AMN1: variants seen among roughly 807,000 people sequenced by gnomAD.
The protein encoded by AMN1 is antagonist of mitotic exit network 1 homolog.
A neutral mutation model predicts 33.0 loss-of-function variants in AMN1; 20 were observed. The observed-to-expected ratio is 0.61, with a 90% CI of 0.43 to 0.88. The LOEUF is 0.88. Among genes scored for constraint, AMN1 ranks in the 40% least tolerant of loss-of-function variants. AMN1 has a pLI of 0.00. For synonymous variants in AMN1, 114 were observed against 111.9 expected, an observed-to-expected ratio of 1.02 and a Z score of -0.12; for missense variants, 246 against 307.4, an observed-to-expected ratio of 0.80 and a Z score of 1.49.
chr12:31,689,219 TCTACTTGC>T, intron 5 of AMN1, 101 bp from the exon 6 acceptor site: 1 of 787,070 alleles, frequency 1.3e-6, no homozygotes, highest in Admixed American at 2.9e-5. Flanking sequence ...GAACCAGATA[TCTACTTGC>T]AAAAAAAAAG....
chr12:31,690,510 T>G (rs1938456415), intron 5 of AMN1, among the ~76,000 whole-genome samples: 1 of 152,212 alleles, frequency 6.6e-6, no homozygotes, highest in Non-Finnish European at 1.5e-5. Flanking sequence ...TAATCACAAA[T>G]GATGTTGAGC....
At chr12:31,672,669 A>G in intron 6 of AMN1, 1 of 267,982 alleles carries the variant, frequency 3.7e-6, no homozygotes, top group Non-Finnish European at 7.1e-6. Flanking sequence ...TAATGGTCTA[A>G]TTTCACCATT....
At chr12:31,685,527 G>A (rs754844741) in intron 6 of AMN1, among the ~76,000 whole-genome samples, 4 of 152,104 alleles carry the variant, frequency 2.6e-5, no homozygotes, top group Non-Finnish European at 2.9e-5. Context: ...ACAGCTGGGC[G>A]TGGTAGCTCA....
At chr12:31,698,085 G>T in intron 3 of AMN1, 128 bp from the exon 4 acceptor site, 1 of 797,610 alleles carries the variant, frequency 1.3e-6, no homozygotes, top group Non-Finnish European at 2.0e-6. Flanking sequence ...GTCCACCTGT[G>T]AGGAAATACT....
chr12:31,676,549 C>G (rs905001989), intron 6 of AMN1, among the ~76,000 whole-genome samples: 2 of 151,222 alleles, frequency 1.3e-5, no homozygotes, highest in Non-Finnish European at 2.9e-5. Context: ...GTCTCGATCT[C>G]CTGACCTCGT....
chr12:31,716,607 T>G (rs995220857), intron 1 of AMN1, among the ~76,000 whole-genome samples: 7 of 152,190 alleles, frequency 4.6e-5, no homozygotes, highest in African/African-American at 1.7e-4. Flanking sequence ...TGGGTACACA[T>G]TCATCTTTTT....
chr12:31,704,338 AT>A (rs1305025091), intron 2 of AMN1, among the ~76,000 whole-genome samples: 1 of 151,700 alleles, frequency 6.6e-6, no homozygotes, highest in Non-Finnish European at 1.5e-5. Context: ...GGAGATTTGT[AT>A]TTTTTCCTCT....
intron 2 of AMN1, among the ~76,000 whole-genome samples, chr12:31,706,311 CAA>C (rs3032986): frequency 0.033 from 2,196 of 65,892 alleles, 18 homozygotes; most frequent in African/African-American, 0.061. Flanking sequence ...GACTCCGTCT[CAA>C]AAAAAAAAAA....
chr12:31,718,261 A>G (rs1188432193), intron 1 of AMN1, among the ~76,000 whole-genome samples: 1 of 151,896 alleles, frequency 6.6e-6, no homozygotes, highest in Non-Finnish European at 1.5e-5. Flanking sequence ...TTTCAGCTCC[A>G]TCAGGTCATT....
At chr12:31,681,967 G>C (rs918895668) in intron 6 of AMN1, among the ~76,000 whole-genome samples, 1 of 152,094 alleles carries the variant, frequency 6.6e-6, no homozygotes, top group African/African-American at 2.4e-5. Flanking sequence ...ATGAGCCACC[G>C]CACCCTGACA....
chr12:31,712,032 T>C (rs1156675071), intron 1 of AMN1, among the ~76,000 whole-genome samples: 5 of 151,854 alleles, frequency 3.3e-5, no homozygotes, highest in African/African-American at 1.2e-4. Context: ...ATGACAGAAT[T>C]CATTCATTCC....
intron 1 of AMN1, among the ~76,000 whole-genome samples, chr12:31,710,230 GAGTTA>G (rs1326837598): frequency 2.6e-5 from 4 of 152,136 alleles, no homozygotes; most frequent in African/African-American, 9.7e-5. Flanking sequence ...GCAGAAAGTA[GAGTTA>G]TCAGGCAACA....
At chr12:31,717,311 T>A (rs1347793910) in intron 1 of AMN1, among the ~76,000 whole-genome samples, 1 of 152,232 alleles carries the variant, frequency 6.6e-6, no homozygotes, top group Non-Finnish European at 1.5e-5. Flanking sequence ...TATTCCATGG[T>A]TTATATGTAC....
chr12:31,703,504 T>C (rs891974659), intron 2 of AMN1, among the ~76,000 whole-genome samples: 1 of 152,164 alleles, frequency 6.6e-6, no homozygotes, highest in African/African-American at 2.4e-5. Flanking sequence ...TTTATGTCTG[T>C]GTGCACCCAG....
intron 2 of AMN1, among the ~76,000 whole-genome samples, chr12:31,703,398 A>C (rs2374171): frequency 0.28 from 43,201 of 152,098 alleles, 6,696 homozygotes; most frequent in Non-Finnish European, 0.36. Context: ...CCCATCACCC[A>C]AAGAGTGAAC....
intron 6 of AMN1, among the ~76,000 whole-genome samples, chr12:31,684,878 T>C (rs1406960829): frequency 6.6e-6 from 1 of 152,134 alleles, no homozygotes; most frequent in Non-Finnish European, 1.5e-5. Flanking sequence ...TGGTTAAGTG[T>C]TTTCTCATCA....
At chr12:31,729,072 C>G (rs11551369), upstream of AMN1, 242 of 1,438,460 alleles carry the variant, frequency 1.7e-4, 4 homozygotes, top group East Asian at 3.9e-3. Context: ...AGGGACCGTC[C>G]GCCAACTCCC....
chr12:31,710,237 C>T (rs1939413383), intron 1 of AMN1, among the ~76,000 whole-genome samples: 1 of 152,108 alleles, frequency 6.6e-6, no homozygotes, highest in Non-Finnish European at 1.5e-5. Flanking sequence ...GTAGAGTTAT[C>T]AGGCAACAAC....
intron 5 of AMN1, 44 bp downstream of exon 5, chr12:31,697,317 T>G: frequency 1.3e-6 from 2 of 1,537,044 alleles, no homozygotes; most frequent in Non-Finnish European, 1.8e-6. Flanking sequence ...TCTAAGAATA[T>G]AAAAATTTAA....
Sources: allele counts gnomAD v4.1 joint callset (sites outside exome capture counted in the v4.1 genomes callset), GRCh38; gene constraint gnomAD v4.1.1; transcripts MANE v1.5; gene names NCBI Gene and HGNC (gene_info 2026-07-23, HGNC 2026-07-21).